SMOC1: variants seen among roughly 807,000 people sequenced by gnomAD.
SMOC1 encodes the protein SPARC-related modular calcium-binding protein 1.
In SMOC1, 22 loss-of-function variants were observed where a neutral mutation model predicts 56.3. The observed-to-expected ratio is 0.39, with a 90% CI of 0.28 to 0.56. The LOEUF is 0.56. Among genes scored for constraint, SMOC1 ranks in the 20% least tolerant of loss-of-function variants. The pLI is 0.61. For missense variants in SMOC1, 509 were observed against 565.4 expected, an observed-to-expected ratio of 0.90 and a Z score of 1.01; for synonymous variants, 193 against 215.0, an observed-to-expected ratio of 0.90 and a Z score of 0.89.
chr14:69,996,518 T>C (rs1884770659), intron 7 of SMOC1, among the ~76,000 whole-genome samples: 1 of 152,246 alleles, frequency 6.6e-6, no homozygotes. Context: ...CAGTTGATAA[T>C]CTTTGCTTCC....
intron 1 of SMOC1, among the ~76,000 whole-genome samples, chr14:69,938,478 G>T (rs191051303): frequency 9.9e-4 from 133 of 134,002 alleles, no homozygotes; most frequent in Admixed American, 1.5e-3. Context: ...CAGCTCTGCA[G>T]CAGGATGAGA....
rs751820905 is a variant in SMOC1 at position 70,023,166 on chromosome 14, G to T, written c.1047-37G>T. On this transcript the variant is annotated intron_variant, in intron 10 of 11. Coordinates refer to ENST00000361956, the MANE Select transcript of SMOC1 (RefSeq NM_001034852.3). ...GATGGTTCCTGCAAGATCCTGATTG[G>T]TGTTCTCTGCGGTGGGGGTGTTTGT... is the stretch of plus-strand genomic sequence containing the variant. The T allele has an allele frequency of 5.0e-6, 8 of 1,613,694 alleles. No homozygotes were observed. In the South Asian group the frequency reaches 7.7e-5, roughly 16 times the overall value.
chr14:69,967,915 A>G (rs1883628680), intron 3 of SMOC1, among the ~76,000 whole-genome samples: 2 of 152,220 alleles, frequency 1.3e-5, no homozygotes, highest in South Asian at 4.1e-4. Context: ...TGAGGAAAGG[A>G]CAGCTCATGC....
intron 1 of SMOC1, among the ~76,000 whole-genome samples, chr14:69,880,384 A>G (rs1041378675): frequency 1.3e-5 from 2 of 152,044 alleles, no homozygotes; most frequent in African/African-American, 4.8e-5. Flanking sequence ...GAGTTGCGCA[A>G]TGTTCAGGGG....
chr14:69,938,061 G>T (rs1882388708), intron 1 of SMOC1, among the ~76,000 whole-genome samples: 1 of 152,166 alleles, frequency 6.6e-6, no homozygotes, highest in African/African-American at 2.4e-5. Flanking sequence ...TCCCTTGTCA[G>T]TGTAAATCTC....
intron 1 of SMOC1, chr14:69,886,035 G>A (rs2139290885): frequency 6.3e-7 from 1 of 1,585,266 alleles, no homozygotes; most frequent in Non-Finnish European, 8.6e-7. Flanking sequence ...AAATTCTTAG[G>A]CCTTTTCTCA....
chr14:69,952,080 C>T lies in SMOC1; in HGVS notation c.100-58C>T, dbSNP rs80211335. The T allele has an allele frequency of 4.8e-3, 7,597 of 1,579,832 alleles. 32 individuals carry two copies. The highest frequency in any genetic ancestry group is 5.1e-3 in the Non-Finnish European group (5,888 of 1,149,062). Reference sequence around the variant, plus strand: ...AAACAAGTACTGTAAGTCATGGACTCGCCCCTACTTTTCTTGCAAAAGTAA... The same window carrying T: ...AAACAAGTACTGTAAGTCATGGACTTGCCCCTACTTTTCTTGCAAAAGTAA... On this transcript the variant is annotated intron_variant, in intron 1 of 11. Transcript: ENST00000361956.
chr14:69,936,474 T>C (rs1316566846), intron 1 of SMOC1, among the ~76,000 whole-genome samples: 3 of 152,224 alleles, frequency 2.0e-5, no homozygotes, highest in African/African-American at 4.8e-5. Context: ...GAACCGTAGG[T>C]GTGACACAGA....
chr14:69,994,320 A>T, intron 6 of SMOC1, 80 bp from the exon 7 acceptor site: 1 of 1,105,894 alleles, frequency 9.0e-7, no homozygotes, highest in Non-Finnish European at 1.4e-6. Flanking sequence ...AAAAATGACT[A>T]TTAAGAAGTC....
chr14:69,933,802 G>A (rs1034438157), intron 1 of SMOC1, among the ~76,000 whole-genome samples: 8 of 152,184 alleles, frequency 5.3e-5, no homozygotes, highest in African/African-American at 1.7e-4. Context: ...ACAGGCATGA[G>A]CCATCGCGCC....
intron 1 of SMOC1, among the ~76,000 whole-genome samples, chr14:69,887,450 C>G (rs77377843): frequency 0.018 from 2,683 of 152,184 alleles, 85 homozygotes; most frequent in African/African-American, 0.062. Flanking sequence ...AGGCATTTGT[C>G]CATTATTCAA....
At chr14:70,015,243 C>G (rs1275085445) in intron 10 of SMOC1, among the ~76,000 whole-genome samples, 2 of 152,146 alleles carry the variant, frequency 1.3e-5, no homozygotes, top group African/African-American at 4.8e-5. Context: ...AACAGTTAGA[C>G]ATGTAGAAGC....
intron 1 of SMOC1, among the ~76,000 whole-genome samples, chr14:69,932,837 G>A (rs1383561079): frequency 6.6e-6 from 1 of 152,014 alleles, no homozygotes; most frequent in South Asian, 2.1e-4. Context: ...AGTATTTTGG[G>A]GACGCTGGCA....
At chr14:69,903,226 C>T (rs925027127) in intron 1 of SMOC1, among the ~76,000 whole-genome samples, 33 of 151,824 alleles carry the variant, frequency 2.2e-4, no homozygotes, top group Non-Finnish European at 3.8e-4. Context: ...CCCTCTGCCC[C>T]GCCGCCCCGT....
At chr14:69,925,393 T>G (rs1884984002) in intron 1 of SMOC1, among the ~76,000 whole-genome samples, 1 of 151,966 alleles carries the variant, frequency 6.6e-6, no homozygotes, top group Admixed American at 6.5e-5. Context: ...TCCCTAGATT[T>G]TGTGTGGGCA....
At chr14:69,882,552 G>T (rs1883672373) in intron 1 of SMOC1, among the ~76,000 whole-genome samples, 1 of 152,204 alleles carries the variant, frequency 6.6e-6, no homozygotes, top group African/African-American at 2.4e-5. Context: ...ACTGTGAGTG[G>T]TTGCTTGGCT....
chr14:70,021,145 G>A (rs1379979942), intron 10 of SMOC1, among the ~76,000 whole-genome samples: 1 of 152,186 alleles, frequency 6.6e-6, no homozygotes, highest in African/African-American at 2.4e-5. Context: ...GGCTGAGCAG[G>A]AAGGTCCCTG....
chr14:69,913,778 T>C (rs930525615), intron 1 of SMOC1, among the ~76,000 whole-genome samples: 1 of 152,218 alleles, frequency 6.6e-6, no homozygotes, highest in African/African-American at 2.4e-5. Flanking sequence ...GCTAATAAGC[T>C]AGCTCAATAC....
intron 2 of SMOC1, among the ~76,000 whole-genome samples, chr14:69,952,802 A>G (rs1313958765): frequency 1.3e-5 from 2 of 152,232 alleles, no homozygotes; most frequent in Non-Finnish European, 2.9e-5. Context: ...AAAGCAACAC[A>G]TGGCTAGACC....
Sources: allele counts gnomAD v4.1 joint callset (sites outside exome capture counted in the v4.1 genomes callset), GRCh38; gene constraint gnomAD v4.1.1; transcripts MANE v1.5; gene names NCBI Gene and HGNC (gene_info 2026-07-23, HGNC 2026-07-21).